The following XXYLT1 variants were observed in gnomAD, a reference collection of about 807,000 sequenced individuals.
XXYLT1 encodes UDP-xylose:alpha-xyloside alpha-1,3-xylosyltransferase.
XXYLT1 carries 20 observed loss-of-function variants against 28.9 expected under a neutral mutation model. The observed-to-expected ratio is 0.69, with a 90% CI of 0.49 to 1.00. XXYLT1 has a LOEUF of 1.00. Ranked by LOEUF, XXYLT1 falls within the 50% of genes least tolerant of loss-of-function variation. The probability of loss-of-function intolerance (pLI) is 0.00; values close to 1 mark genes in which losing one functional copy is unlikely to be tolerated. For missense variants in XXYLT1, 542 were observed against 560.1 expected (o/e 0.97, Z 0.33); for synonymous variants, 257 against 253.8 (o/e 1.01, Z -0.12).
intron 1 of XXYLT1, among the ~76,000 whole-genome samples, chr3:195,266,086 G>A (rs146345026): frequency 1.3e-5 from 2 of 152,278 alleles, no homozygotes; most frequent in East Asian, 3.9e-4. Flanking sequence ...CAAGCAAAGC[G>A]CCATGAGAAG....
At chr3:195,141,837 C>T (rs953045543) in intron 3 of XXYLT1, among the ~76,000 whole-genome samples, 4 of 152,220 alleles carry the variant, frequency 2.6e-5, no homozygotes, top group African/African-American at 9.7e-5. Context: ...TGCTTCCCGC[C>T]TAATTGAGCG....
intron 1 of XXYLT1, among the ~76,000 whole-genome samples, chr3:195,248,149 G>A (rs1306604330): frequency 3.9e-5 from 6 of 152,052 alleles, no homozygotes; most frequent in Non-Finnish European, 8.8e-5. Flanking sequence ...AGGGCGTCCT[G>A]TGGGCACACG....
intron 3 of XXYLT1, among the ~76,000 whole-genome samples, chr3:195,153,586 T>C (rs999848716): frequency 6.6e-6 from 1 of 152,208 alleles, no homozygotes; most frequent in Non-Finnish European, 1.5e-5. Flanking sequence ...AAATTAAAGA[T>C]GCTCAGGGTT....
chr3:195,231,926 C>T (rs1724317699), intron 1 of XXYLT1, among the ~76,000 whole-genome samples: 2 of 151,896 alleles, frequency 1.3e-5, no homozygotes, highest in South Asian at 4.1e-4. Flanking sequence ...GGAAGTATTC[C>T]CTCCTCCCCT....
rs1279251245 is a variant in XXYLT1 at position 195,091,081 on chromosome 3, C to T, written c.786-20970G>A. On this transcript the variant is annotated intron_variant, in intron 3 of 3. Transcript: ENST00000310380. ...GTCCAGCACCAGATGGATTCACAGCCGAATTCTACCAGAGGTACAAGGAGG... is the reference window on the plus strand; with the variant it reads ...GTCCAGCACCAGATGGATTCACAGCTGAATTCTACCAGAGGTACAAGGAGG... 1.8e-4 allele frequency among the ~76,000 whole-genome samples: 26 copies of T among 147,760 alleles called. 1 individual carries two copies. The highest frequency in any genetic ancestry group is 5.1e-4 in the African/African-American group (20 of 39,448).
At position 195,124,662 on chromosome 3, in the gene XXYLT1, T is replaced by A. The variant is rs991434025; in HGVS notation, c.785+31787A>T. Among the ~76,000 whole-genome samples, 1 of 152,194 alleles carries A rather than the reference T, an allele frequency of 6.6e-6. No individual in the cohort carries two copies. The highest frequency in any genetic ancestry group is 2.4e-5 in the African/African-American group (1 of 41,448). On this transcript the variant is annotated intron_variant, in intron 3 of 3. Transcript: ENST00000310380. This position sits in a 1 kb window ranked among gnomAD's most constrained non-coding sequence, Gnocchi z 4.1. ...ATAAACTAATGAGCACATGCCTTAC[T>A]GTCAACTTCCAAAAACCCAAGACAC...
rs764899887 is a variant in XXYLT1 at position 195,156,470 on chromosome 3, C to A, written c.764G>T (p.Arg255Leu). 4 of 1,614,128 alleles carry A rather than the reference C, an allele frequency of 2.5e-6. No homozygotes were observed. Among genetic ancestry groups the A allele is most frequent in the Non-Finnish European group, 3.4e-6 (4 of 1,180,022 alleles). The part of the protein sequence containing the change: ...FLPGAIIGIA[R>L]EMQPVYRHTF... ...GCACCTGTAAACTGGCTGCATCTCC[C>A]GGGCTATGCCGATGATGGCGCCTGG... Residue 255 changes from arginine to leucine, a missense_variant, in exon 3 of 4, where the codon CGG becomes CTG. Physicochemically the swap from Arg to Leu is moderately radical, Grantham distance 102. Transcript: ENST00000310380.
At chr3:195,178,634 G>A (rs759330597) in intron 2 of XXYLT1, among the ~76,000 whole-genome samples, 3 of 152,116 alleles carry the variant, frequency 2.0e-5, no homozygotes, top group South Asian at 2.1e-4. Flanking sequence ...TCTGCACTCC[G>A]GTTTGTGTCT....
rs553596039 is a variant in XXYLT1, at chr3:195,069,473, C to A, written c.*242G>T. ...CTTGCTTCCCAGCCCACTGGACATG[C>A]GTGTCCTTTGTGTCGCCTGCTCCCT... On this transcript the variant is annotated 3_prime_UTR_variant, in exon 4 of 4. Transcript: ENST00000310380. The A allele has an allele frequency of 2.4e-5, 13 of 537,208 alleles. No individual in the cohort carries two copies. The highest frequency in any genetic ancestry group is 3.6e-5 in the Non-Finnish European group (11 of 307,864). The allele number at this position is 537,208 out of a possible 1,614,324, so 33.3% of individuals were successfully genotyped here. A position where few individuals can be genotyped will look rare whatever the true frequency, so the allele number is the denominator to read the frequency against.
At chr3:195,212,030 C>T (rs891051744) in intron 2 of XXYLT1, among the ~76,000 whole-genome samples, 1 of 144,032 alleles carries the variant, frequency 6.9e-6, no homozygotes, top group Non-Finnish European at 1.5e-5. Context: ...GGAGAGGGGG[C>T]AAGCCACAGA....
intron 3 of XXYLT1, among the ~76,000 whole-genome samples, chr3:195,102,976 G>A (rs1338897578): frequency 1.3e-5 from 2 of 152,346 alleles, no homozygotes; most frequent in East Asian, 1.9e-4. Context: ...CTCGCCAACA[G>A]TGGCTATCTC....
intron 3 of XXYLT1, among the ~76,000 whole-genome samples, chr3:195,107,554 AAG>A (rs1717189557): frequency 9.3e-4 from 5 of 5,364 alleles, no homozygotes; most frequent in East Asian, 1.9e-3. Context: ...GAGGAGGGGG[AAG>A]AGGGGGAGAG....
rs1225622584 is a variant in XXYLT1 at position 195,069,893 on chromosome 3, G to A, written c.1004C>T (p.Thr335Ile). The change falls in exon 4 of 4, where the codon ACC becomes ATC. Residue 335 changes from threonine to isoleucine, a missense_variant. By Grantham distance (89) the Thr-to-Ile change is moderately conservative (BLOSUM62 -1). Transcript: ENST00000310380. ...CTTGGGGTGCTCCATGCCGATCATG[G>A]TGAAGAAGTCCTGGTCCCCGAGGTG... ...RGHLGDQDFF[T>I]MIGMEHPKLF... The A allele has an allele frequency of 1.2e-6, 2 of 1,613,986 alleles. No homozygotes were observed. The highest frequency in any genetic ancestry group is 1.7e-5 in the Admixed American group (1 of 60,010).
chr3:195,174,431 C>T (rs1037223105), intron 2 of XXYLT1, among the ~76,000 whole-genome samples: 3 of 152,096 alleles, frequency 2.0e-5, no homozygotes, highest in Non-Finnish European at 4.4e-5. Context: ...CTTGATTTCC[C>T]GGGCTCAAGT....
At chr3:195,192,034 T>C (rs754439579) in intron 2 of XXYLT1, among the ~76,000 whole-genome samples, 2 of 152,232 alleles carry the variant, frequency 1.3e-5, no homozygotes, top group Non-Finnish European at 1.5e-5. Context: ...TACCTAATGA[T>C]TGCAAAATAC....
At chr3:195,228,867 C>T (rs1435605409) in intron 1 of XXYLT1, among the ~76,000 whole-genome samples, 1 of 151,056 alleles carries the variant, frequency 6.6e-6, no homozygotes, top group African/African-American at 2.5e-5. Context: ...GGCTGGAGTG[C>T]AGTGGCGTGA....
chr3:195,263,415 T>C (rs1725750974), intron 1 of XXYLT1, among the ~76,000 whole-genome samples: 1 of 152,148 alleles, frequency 6.6e-6, no homozygotes, highest in Non-Finnish European at 1.5e-5. Context: ...ATGAAGTCAT[T>C]AAGAGGGATT....
Position 195,108,404 on chromosome 3 carries a change from G to A in XXYLT1, c.786-38293C>T, listed in dbSNP as rs1406398736. Among the ~76,000 whole-genome samples the A allele has an allele frequency of 2.0e-5, 3 of 152,170 alleles. 1 individual carries two copies. The highest frequency in any genetic ancestry group is 4.4e-5 in the Non-Finnish European group (3 of 68,024). ...TTTGAGACTTAGTAGCATCTTCCTA[G>A]TTTTTTAGAAAATTGATTTCCTGTC... On this transcript the variant is annotated intron_variant, in intron 3 of 3. Transcript: ENST00000310380.
In XXYLT1 at chr3:195,195,670, G is replaced by T. The variant is rs1431180288; in HGVS notation, c.652+31039C>A. Among the ~76,000 whole-genome samples, 1 of 152,176 alleles carries T rather than the reference G, an allele frequency of 6.6e-6. No individual in the cohort carries two copies. Among genetic ancestry groups the T allele is most frequent in the African/African-American group, 2.4e-5 (1 of 41,432 alleles). On this transcript the variant is annotated intron_variant, in intron 2 of 3. Transcript: ENST00000310380. The surrounding 1 kb of genome is among the most constrained non-coding windows in gnomAD (Gnocchi z 4.4). ...ACTCTGGCAGTTCCCCTACTGCCCA[G>T]CCCGGGAACTCCATTCATACAGCTC...
Sources: gnomAD v4.1 joint callset for allele counts (sites outside exome capture counted in the v4.1 genomes callset) on GRCh38, gnomAD v4.1.1 for gene constraint, Gnocchi (gnomAD v3.1) non-coding constraint, MANE v1.5 for transcripts, NCBI Gene and HGNC (gene_info 2026-07-23, HGNC 2026-07-21) for gene names.